Variants in COLEC11 observed in about 807,000 individuals in gnomAD.
The protein encoded by COLEC11 is collectin subfamily member 11, also known as collectin-11.
A neutral mutation model predicts 27.3 loss-of-function variants in COLEC11; 20 were observed. The observed-to-expected ratio is 0.73, with a 90% CI of 0.51 to 1.06. COLEC11 has a LOEUF of 1.06. COLEC11 is among the 50% of genes least tolerant of loss of function. The pLI, the probability that COLEC11 is intolerant of heterozygous loss-of-function variation, is 0.00. For synonymous variants in COLEC11, 163 were observed against 154.7 expected (o/e 1.05, Z -0.40); for missense variants, 310 against 383.0 (o/e 0.81, Z 1.59).
intron 5 of COLEC11, chr2:3,641,537 T>G: frequency 2.9e-6 from 2 of 688,836 alleles, no homozygotes; most frequent in Non-Finnish European, 4.1e-6. Context: ...AGGAAAGGAA[T>G]CCATCCACTT....
intron 5 of COLEC11, 102 bp downstream of exon 5, chr2:3,640,433 C>T (rs1665759873): frequency 1.4e-6 from 1 of 720,746 alleles, no homozygotes; most frequent in East Asian, 2.7e-5. Context: ...AGTGGACACC[C>T]ACCCCTGTCA....
intron 2 of COLEC11, among the ~76,000 whole-genome samples, chr2:3,604,709 G>A (rs546611451): frequency 6.6e-6 from 1 of 152,104 alleles, no homozygotes; most frequent in African/African-American, 2.4e-5. Flanking sequence ...AGCCCTCTCC[G>A]GGGGGACCTT....
chr2:3,641,452 G>A (rs1665863499), intron 5 of COLEC11: 1 of 1,269,432 alleles, frequency 7.9e-7, no homozygotes, highest in African/African-American at 1.5e-5. Context: ...GGCGGGGCAA[G>A]GAGAGGGGAC....
intron 5 of COLEC11, among the ~76,000 whole-genome samples, chr2:3,642,593 G>C (rs10166336): frequency 0.19 from 28,209 of 152,174 alleles, 8,033 homozygotes; most frequent in African/African-American, 0.62. Flanking sequence ...CTGCAAAGCC[G>C]CAGAGCTCCT....
At chr2:3,609,601 C>T (rs957678419) in intron 2 of COLEC11, among the ~76,000 whole-genome samples, 8 of 151,104 alleles carry the variant, frequency 5.3e-5, no homozygotes, top group African/African-American at 1.7e-4. Context: ...GTGATCTTGG[C>T]TCACTGCAAC....
intron 1 of COLEC11, among the ~76,000 whole-genome samples, chr2:3,595,453 T>C (rs1219146699): frequency 6.6e-6 from 1 of 152,212 alleles, no homozygotes. Context: ...GGGTGGCAGA[T>C]TTCAAACAGC....
intron 2 of COLEC11, 119 bp downstream of exon 2, chr2:3,604,589 AT>A: frequency 9.0e-7 from 1 of 1,117,074 alleles, no homozygotes; most frequent in African/African-American, 1.5e-5. Context: ...TGCTTACCCC[AT>A]TGGGTCTCAG....
chr2:3,618,526 T>C (rs1663950221), intron 3 of COLEC11, among the ~76,000 whole-genome samples: 3 of 152,242 alleles, frequency 2.0e-5, no homozygotes. Context: ...CTATTGTCTA[T>C]GTGTCTGTTT....
At chr2:3,600,741 T>C (rs1393291869) in intron 1 of COLEC11, among the ~76,000 whole-genome samples, 1 of 152,204 alleles carries the variant, frequency 6.6e-6, no homozygotes, top group Non-Finnish European at 1.5e-5. Context: ...GACCTCGTCA[T>C]TGTGTAGTTG....
intron 3 of COLEC11, among the ~76,000 whole-genome samples, chr2:3,630,210 G>A (rs1217288875): frequency 6.6e-6 from 1 of 152,096 alleles, no homozygotes; most frequent in Non-Finnish European, 1.5e-5. Flanking sequence ...ATGTATGTGT[G>A]CATATGTATG....
rs189813280 is a variant in COLEC11 at position 3,622,163 on chromosome 2, C to A, written c.202+8781C>A. On this transcript the variant is annotated intron_variant, in intron 3 of 6. Transcript: ENST00000349077. ...CAGCCTGGGCGACAGAATGAGACTC[C>A]ATCTCAAAAAAAAAAAAAAAAAGTA... 4.6e-3 allele frequency among the ~76,000 whole-genome samples: 649 copies of A among 142,192 alleles called. 1 individual carries two copies. The highest frequency in any genetic ancestry group is 7.2e-3 in the Non-Finnish European group (476 of 66,064). The allele number at this position is 142,192 out of a possible 152,430, so 93.3% of individuals were successfully genotyped here.
At chr2:3,617,817 T>C (rs1663886657) in intron 3 of COLEC11, 1 of 709,248 alleles carries the variant, frequency 1.4e-6, no homozygotes, top group Non-Finnish European at 2.5e-6. Flanking sequence ...CAGCAATGTC[T>C]AAGGGCTCGC....
Position 3,640,310 on chromosome 2 carries a change from C to A in COLEC11, c.307C>A (p.Pro103Thr). Residue 103 changes from proline (P) to threonine (T), a missense_variant, in exon 5 of 7, where the codon CCT (proline) becomes ACT (threonine). By Grantham distance (38) the Pro-to-Thr change is conservative (BLOSUM62 -1). Transcript: ENST00000349077. ...AGGAGATTCCGGTGACATAGGACCC[C>A]CTGGTCCTAATGGAGAACCAGGTAT... ...EKGDSGDIGPPGPNGEPGLPC... is the reference protein window; with the variant it reads ...EKGDSGDIGPTGPNGEPGLPC... 1 of 1,597,576 alleles carries A rather than the reference C, an allele frequency of 6.3e-7. No individual in the cohort carries two copies. Among genetic ancestry groups the A allele is most frequent in the Non-Finnish European group, 8.6e-7 (1 of 1,165,072 alleles).
In COLEC11 at chr2:3,619,852, C is replaced by G. The variant is rs531469833; in HGVS notation, c.202+6470C>G. 1.1e-4 allele frequency among the ~76,000 whole-genome samples: 17 copies of G among 152,284 alleles called. 1 individual carries two copies. Among genetic ancestry groups the G allele is most frequent in the African/African-American group, 3.8e-4 (16 of 41,562 alleles). On this transcript the variant is annotated intron_variant, in intron 3 of 6. Transcript: ENST00000349077. ...TGTTGGCCAGGCTGGTCTTGAAATC[C>G]TGACCTCAGGTGATCCACCTGCCTT...
Position 3,614,642 on chromosome 2 carries a change from A to G in COLEC11, c.202+1260A>G, listed in dbSNP as rs192165448. Among the ~76,000 whole-genome samples the G allele has an allele frequency of 7.9e-3, 1,198 of 152,338 alleles. 8 individuals carry two copies. The highest frequency in any genetic ancestry group is 0.011 in the Non-Finnish European group (722 of 68,030). On this transcript the variant is annotated intron_variant, in intron 3 of 6. Transcript: ENST00000349077. The stretch of plus-strand genomic sequence containing the variant: ...TCAACACAGATATTTTTTATAGGCA[A>G]TACAGAAGGACAGGATGACCAATAA...
chr2:3,605,231 G>A, intron 2 of COLEC11: 1 of 405,762 alleles, frequency 2.5e-6, no homozygotes, highest in East Asian at 7.3e-5. Context: ...AGTGTCGGGT[G>A]GCAGGGCCGG....
chr2:3,612,271 C>T (rs1387011486), intron 2 of COLEC11, among the ~76,000 whole-genome samples: 5 of 152,194 alleles, frequency 3.3e-5, no homozygotes, highest in African/African-American at 1.2e-4. Flanking sequence ...CACATGCACA[C>T]ACATGCACAC....
chr2:3,609,719 G>A (rs576800008), intron 2 of COLEC11, among the ~76,000 whole-genome samples: 7 of 152,226 alleles, frequency 4.6e-5, no homozygotes, highest in Non-Finnish European at 2.9e-5. Context: ...TAGTAGAGAC[G>A]GGGTTTCACC....
intron 3 of COLEC11, among the ~76,000 whole-genome samples, chr2:3,620,706 T>C (rs1039932152): frequency 1.3e-5 from 2 of 152,220 alleles, no homozygotes; most frequent in African/African-American, 2.4e-5. Context: ...TCTTAGAATA[T>C]CTTTTTGCTG....
Sources: gnomAD v4.1 joint callset for allele counts (sites outside exome capture counted in the v4.1 genomes callset) on GRCh38, gnomAD v4.1.1 for gene constraint, MANE v1.5 for transcripts, NCBI Gene and HGNC (gene_info 2026-07-23, HGNC 2026-07-21) for gene names.